Variants in TNRC6A observed in about 807,000 individuals in gnomAD.
The protein encoded by TNRC6A is trinucleotide repeat-containing gene 6A protein.
TNRC6A carries 44 observed loss-of-function variants against 221.2 expected under a neutral mutation model. The observed-to-expected ratio is 0.20, with a 90% CI of 0.16 to 0.26. The LOEUF (loss-of-function observed/expected upper bound fraction) is 0.26. Ranked by LOEUF, TNRC6A falls within the 10% of genes least tolerant of loss-of-function variation. The probability of loss-of-function intolerance (pLI) is 1.00; values close to 1 mark genes in which losing one functional copy is unlikely to be tolerated. For synonymous variants in TNRC6A, 847 were observed against 838.5 expected (o/e 1.01, Z -0.18); for missense variants, 2,199 against 2,404.4 (o/e 0.91, Z 1.79).
At chr16:24,655,321 T>C (rs1357431202) in intron 2 of TNRC6A, among the ~76,000 whole-genome samples, 1 of 152,220 alleles carries the variant, frequency 6.6e-6, no homozygotes, top group African/African-American at 2.4e-5. Flanking sequence ...TTCTGCTTTG[T>C]GGTTTTAAAG....
At chr16:24,797,646 G>A in intron 10 of TNRC6A, 76 bp downstream of exon 10, 1 of 1,274,812 alleles carries the variant, frequency 7.8e-7, no homozygotes, top group Non-Finnish European at 1.1e-6. Context: ...CTCTTTTTAA[G>A]AATTATTTTT....
At chr16:24,612,549 C>A (rs1900107937) in intron 1 of TNRC6A, among the ~76,000 whole-genome samples, 1 of 151,626 alleles carries the variant, frequency 6.6e-6, no homozygotes, top group South Asian at 2.1e-4. Context: ...GAGTTCCAGA[C>A]CAGCCTGGGC....
At chr16:24,659,858 C>T (rs1041538831) in intron 2 of TNRC6A, among the ~76,000 whole-genome samples, 8 of 152,178 alleles carry the variant, frequency 5.3e-5, no homozygotes, top group South Asian at 4.1e-4. Context: ...ATTCCATAGG[C>T]ACATAAAAGA....
chr16:24,625,866 C>G (rs542024453), intron 1 of TNRC6A, among the ~76,000 whole-genome samples: 1 of 151,922 alleles, frequency 6.6e-6, no homozygotes, highest in African/African-American at 2.4e-5. Context: ...GAGCCGAGAT[C>G]GCACCATTAC....
At chr16:24,741,243 AAGTATGC>A (rs775550144) in intron 2 of TNRC6A, among the ~76,000 whole-genome samples, 11 of 152,176 alleles carry the variant, frequency 7.2e-5, no homozygotes, top group South Asian at 2.1e-4. Flanking sequence ...TCTTGAGGAA[AAGTATGC>A]AGTCTTTATC....
intron 18 of TNRC6A, among the ~76,000 whole-genome samples, chr16:24,812,068 A>T (rs2058557391): frequency 6.6e-5 from 3 of 45,140 alleles, no homozygotes; most frequent in Non-Finnish European, 9.1e-5. Context: ...TTTTTTTTTG[A>T]GACAGAGTCT....
intron 11 of TNRC6A, among the ~76,000 whole-genome samples, chr16:24,800,393 G>T (rs1351252753): frequency 2.6e-5 from 4 of 152,112 alleles, no homozygotes; most frequent in Admixed American, 2.6e-4. Flanking sequence ...CTACTTTCAG[G>T]CAATGGCATA....
At chr16:24,747,002 C>T (rs778757372) in intron 2 of TNRC6A, among the ~76,000 whole-genome samples, 60 of 152,116 alleles carry the variant, frequency 3.9e-4, no homozygotes, top group South Asian at 2.1e-4. Context: ...CATTCTTGAA[C>T]GGTACAAGTA....
chr16:24,692,525 G>C (rs562338645), intron 2 of TNRC6A, among the ~76,000 whole-genome samples: 1 of 151,936 alleles, frequency 6.6e-6, no homozygotes, highest in Non-Finnish European at 1.5e-5. Flanking sequence ...AGCTGAGATC[G>C]CACCACTGCA....
chr16:24,818,872 A>G (rs2058708822), intron 21 of TNRC6A, among the ~76,000 whole-genome samples, 172 bp downstream of exon 21: 1 of 152,174 alleles, frequency 6.6e-6, no homozygotes. Flanking sequence ...TACTGTACCC[A>G]GCAGTCATCT....
At chr16:24,814,827 A>T (rs554235012) in intron 18 of TNRC6A, among the ~76,000 whole-genome samples, 1 of 152,112 alleles carries the variant, frequency 6.6e-6, no homozygotes, top group Non-Finnish European at 1.5e-5. Flanking sequence ...AAACATTTCT[A>T]TTGCCTGAAA....
chr16:24,817,645 G>A (rs1462635242), intron 20 of TNRC6A, among the ~76,000 whole-genome samples: 1 of 152,168 alleles, frequency 6.6e-6, no homozygotes, highest in Non-Finnish European at 1.5e-5. Flanking sequence ...GAGTGTTAAC[G>A]AAATTAATTT....
intron 2 of TNRC6A, among the ~76,000 whole-genome samples, chr16:24,738,846 T>G (rs1567408066): frequency 3.3e-5 from 5 of 152,148 alleles, no homozygotes; most frequent in Non-Finnish European, 7.4e-5. Context: ...TTGTTTAACT[T>G]TTGTTTGTGT....
In TNRC6A at chr16:24,729,818, C is replaced by T; in HGVS notation, c.-24C>T. ...CTCGCGAGCCTCCTTCGCCGCGCCC[C>T]ACTTGCTCGTGCACTTTACACACAT... On this transcript the variant is annotated 5_prime_UTR_variant, in exon 1 of 25. Transcript: ENST00000395799. The T allele has an allele frequency of 7.1e-7, 1 of 1,410,872 alleles. No individual in the cohort carries two copies. Among genetic ancestry groups the T allele is most frequent in the Non-Finnish European group, 9.3e-7 (1 of 1,074,596 alleles). 87.4% of individuals were successfully genotyped at this position (1,410,872 alleles called of 1,614,324 possible).
intron 3 of TNRC6A, among the ~76,000 whole-genome samples, chr16:24,758,128 A>G (rs1212055126): frequency 1.3e-5 from 2 of 152,232 alleles, no homozygotes; most frequent in Non-Finnish European, 2.9e-5. Context: ...TTTTAAATTA[A>G]TAAACATAGT....
chr16:24,809,850 G>A (rs749371186), intron 18 of TNRC6A, among the ~76,000 whole-genome samples: 6 of 152,162 alleles, frequency 3.9e-5, no homozygotes, highest in African/African-American at 7.2e-5. Context: ...GTCCCATTCC[G>A]TCACCCAGGC....
rs1339582690 is a variant in TNRC6A at position 24,791,412 on chromosome 16, G to A, written c.2770G>A (p.Asp924Asn). The A allele has an allele frequency of 1.3e-6, 2 of 1,558,138 alleles. No homozygotes were observed. The highest frequency in any genetic ancestry group is 1.7e-6 in the Non-Finnish European group (2 of 1,154,304). The change falls in exon 6 of 25, where the codon GAC becomes AAC. Residue 924 changes from aspartate (D) to asparagine (N), a missense_variant. This residue lies in a region of TNRC6A where 1,405 missense variants were observed against 1,400.2 expected (regional missense o/e 1.00). Transcript: ENST00000395799. ...SKPTPSQGWG[D>N]PPKSNQSLGW... is the part of the protein sequence containing the mutation. ...ACCTACTCCTTCCCAGGGATGGGGA[G>A]ACCCTCCAAAGTCTAATCAGTCTCT...
intron 6 of TNRC6A, chr16:24,793,248 A>G (rs1388044602): frequency 6.0e-6 from 2 of 335,294 alleles, no homozygotes; most frequent in South Asian, 1.5e-4. Context: ...CTAGAGGGTA[A>G]TTATGAAAAA....
At chr16:24,811,441 T>G (rs904573773) in intron 18 of TNRC6A, among the ~76,000 whole-genome samples, 11 of 152,072 alleles carry the variant, frequency 7.2e-5, no homozygotes, top group African/African-American at 2.7e-4. Context: ...TATTTTAGCC[T>G]TGGTTGGAGG....
Sources: allele counts gnomAD v4.1 joint callset (sites outside exome capture counted in the v4.1 genomes callset), GRCh38; gene constraint gnomAD v4.1.1; regional missense constraint gnomAD v4.1.1; transcripts MANE v1.5; gene names NCBI Gene and HGNC (gene_info 2026-07-23, HGNC 2026-07-21).